XG: variants seen among roughly 807,000 people sequenced by gnomAD.
XG encodes the protein Xg glycoprotein (Xg blood group).
XG carries 24 observed loss-of-function variants against 25.7 expected under a neutral mutation model. The observed-to-expected ratio is 0.93, with a 90% CI of 0.68 to 1.31. The LOEUF (loss-of-function observed/expected upper bound fraction) is 1.31, where lower values mean the gene tolerates loss of function less well. Ranked by LOEUF, XG falls within the 40% of genes most tolerant of loss-of-function variation. The probability of loss-of-function intolerance (pLI) is 0.00; values close to 1 mark genes in which losing one functional copy is unlikely to be tolerated. For missense variants in XG, 181 were observed against 187.6 expected, an observed-to-expected ratio of 0.96 and a Z score of 0.21; for synonymous variants, 77 against 69.2, an observed-to-expected ratio of 1.11 and a Z score of -0.56.
chrX:2,798,100 C>G (rs760261768), intron 7 of XG, among the ~76,000 whole-genome samples: 1 of 111,304 alleles, frequency 9.0e-6, no homozygotes, highest in South Asian at 3.8e-4. Flanking sequence ...CTCTTTTGGT[C>G]GGTGCTTATG....
intron 1 of XG, among the ~76,000 whole-genome samples, chrX:2,763,206 G>A (rs1187941495): frequency 6.6e-6 from 1 of 152,072 alleles, no homozygotes; most frequent in African/African-American, 2.4e-5. Context: ...TAGACACAGG[G>A]CTTCCCCATG....
intron 5 of XG, among the ~76,000 whole-genome samples, chrX:2,793,460 G>A (rs894279629): frequency 3.6e-5 from 4 of 111,774 alleles, no homozygotes; most frequent in Non-Finnish European, 3.8e-5. Flanking sequence ...CGCAGCAGTC[G>A]GAACTTTGTC....
chrX:2,770,469 G>A (rs1482140506), intron 1 of XG, 81 bp from the exon 2 acceptor site: 3 of 1,545,882 alleles, frequency 1.9e-6, no homozygotes, highest in Non-Finnish European at 2.7e-6. Flanking sequence ...GCAGGAGGAG[G>A]GGAGCAGCAT....
intron 1 of XG, among the ~76,000 whole-genome samples, chrX:2,757,406 G>A (rs2050458530): frequency 6.6e-6 from 1 of 151,270 alleles, no homozygotes; most frequent in Non-Finnish European, 1.5e-5. Flanking sequence ...GCCTTTGCTG[G>A]GGAACTGCCC....
intron 1 of XG, chrX:2,752,776 C>T (rs780955514): frequency 1.0e-4 from 26 of 254,626 alleles, no homozygotes; most frequent in Admixed American, 7.8e-4. Context: ...ACCAGAGATT[C>T]GTTTGCCGGA....
At chrX:2,782,207 C>G (rs2086736498) in intron 4 of XG, 79 bp downstream of exon 4, 2 of 1,090,264 alleles carry the variant, frequency 1.8e-6, no homozygotes, top group African/African-American at 1.8e-5. Flanking sequence ...CAGGTTTAGC[C>G]TGGTTGCATT....
intron 1 of XG, among the ~76,000 whole-genome samples, chrX:2,753,183 T>C (rs1264767199): frequency 6.6e-6 from 1 of 152,188 alleles, no homozygotes; most frequent in Admixed American, 6.6e-5. Flanking sequence ...TGGTTGTTTA[T>C]GGGCGGAGGC....
At chrX:2,764,241 T>C (rs2050626992) in intron 1 of XG, among the ~76,000 whole-genome samples, 1 of 152,194 alleles carries the variant, frequency 6.6e-6, no homozygotes, top group African/African-American at 2.4e-5. Context: ...ACTCCTTGTT[T>C]AGCATATCCT....
intron 1 of XG, among the ~76,000 whole-genome samples, chrX:2,765,338 G>A (rs1366969666): frequency 6.6e-6 from 1 of 151,020 alleles, no homozygotes. Flanking sequence ...GCAACATAGT[G>A]AGGTTCTGTA....
At chrX:2,769,498 C>T (rs2050768541) in intron 1 of XG, among the ~76,000 whole-genome samples, 1 of 152,220 alleles carries the variant, frequency 6.6e-6, no homozygotes, top group Non-Finnish European at 1.5e-5. Context: ...CCTGGCATTA[C>T]TGCAACAGAA....
chrX:2,782,662 A>G (rs770449620), intron 4 of XG, among the ~76,000 whole-genome samples: 2 of 110,855 alleles, frequency 1.8e-5, no homozygotes, highest in Non-Finnish European at 3.8e-5. Context: ...GAGCCAGATT[A>G]CCGGGCTGAG....
intron 3 of XG, among the ~76,000 whole-genome samples, chrX:2,777,410 CA>C (rs199760006): frequency 0.014 from 2,140 of 151,438 alleles, 48 homozygotes; most frequent in African/African-American, 0.048. Context: ...AAATTAAATA[CA>C]AAAAAAATGA....
chrX:2,766,967 G>A (rs1046735097), intron 1 of XG, among the ~76,000 whole-genome samples: 1 of 152,050 alleles, frequency 6.6e-6, no homozygotes, highest in Admixed American at 6.6e-5. Context: ...TCTGGGACCC[G>A]TCTTGGGGAA....
chrX:2,765,416 A>AGG (rs1404811075), intron 1 of XG, among the ~76,000 whole-genome samples: 1 of 148,446 alleles, frequency 6.7e-6, no homozygotes, highest in Non-Finnish European at 1.5e-5. Flanking sequence ...GAAGGAAGGA[A>AGG]ACAATTGCTT....
chrX:2,758,209 C>A (rs1358806059), intron 1 of XG, among the ~76,000 whole-genome samples: 1 of 152,018 alleles, frequency 6.6e-6, no homozygotes, highest in African/African-American at 2.4e-5. Context: ...GGGTCATTTC[C>A]CTGCCATTGT....
intron 7 of XG, among the ~76,000 whole-genome samples, chrX:2,797,664 G>C (rs2086898839): frequency 9.0e-6 from 1 of 110,758 alleles, no homozygotes; most frequent in African/African-American, 3.3e-5. Flanking sequence ...TAGAGAAAGA[G>C]AGCATCCAAC....
chrX:2,770,025 G>T (rs984297700), intron 1 of XG, among the ~76,000 whole-genome samples: 9 of 147,298 alleles, frequency 6.1e-5, no homozygotes, highest in South Asian at 2.4e-4. Context: ...GTGGAGGGGT[G>T]GGGGGGGCGT....
At chrX:2,785,416 T>C (rs1205716716) in intron 4 of XG, among the ~76,000 whole-genome samples, 1 of 109,122 alleles carries the variant, frequency 9.2e-6, no homozygotes, top group African/African-American at 3.3e-5. Context: ...TTTACTTTCC[T>C]CAGATTGTGA....
intron 1 of XG, among the ~76,000 whole-genome samples, chrX:2,768,773 AAAAC>A (rs1219006664): frequency 2.0e-5 from 3 of 152,220 alleles, no homozygotes; most frequent in African/African-American, 7.2e-5. Flanking sequence ...ATCTAAAAAC[AAAAC>A]AAACAAAAAG....
Sources: allele counts gnomAD v4.1 joint callset (sites outside exome capture counted in the v4.1 genomes callset), GRCh38; gene constraint gnomAD v4.1.1; transcripts MANE v1.5; gene names NCBI Gene and HGNC (gene_info 2026-07-23, HGNC 2026-07-21).